The following PRELID2 variants were observed in gnomAD, a reference collection of about 807,000 sequenced individuals.
PRELID2 encodes the protein PRELI domain-containing protein 2.
Under a neutral mutation model 28.4 loss-of-function variants are expected in PRELID2, and 25 were observed. That is an observed-to-expected ratio of 0.88 (90% CI 0.64 to 1.23). The LOEUF is 1.23. Ranked by LOEUF, PRELID2 falls within the 50% of genes most tolerant of loss-of-function variation. The probability of loss-of-function intolerance (pLI) is 0.00; values close to 1 mark genes in which losing one functional copy is unlikely to be tolerated. For synonymous variants in PRELID2, 76 were observed against 71.6 expected (o/e 1.06, Z -0.31); for missense variants, 201 against 214.4 (o/e 0.94, Z 0.39).
chr5:145,338,450 A>T, the PRELID2 span: 1 of 152,202 alleles, frequency 6.6e-6, no homozygotes, highest in Non-Finnish European at 1.5e-5. Flanking sequence ...AGATGCATGC[A>T]AGTTCATCAG....
chr5:145,463,482 A>T, the PRELID2 span, among the ~76,000 whole-genome samples: 1 of 151,868 alleles, frequency 6.6e-6, no homozygotes, highest in Non-Finnish European at 1.5e-5. Flanking sequence ...TCTTTTGCAT[A>T]GTTTTCAGTT....
At position 145,641,172 on chromosome 5, in the gene PRELID2, C is replaced by G. The variant is rs113067768; in HGVS notation, n.70+123759G>C. ...GTAAATTTGACTATTTAAAACCTAA[C>G]AGTTCCTCTCAACAAAAAGACACCA... On this transcript the variant is annotated intron_variant and non_coding_transcript_variant, in intron 1 of 2. Coordinates refer to the PRELID2 transcript ENST00000510259. Among the ~76,000 whole-genome samples, 364 of 152,194 alleles carry G rather than the reference C, an allele frequency of 2.4e-3. 1 individual carries two copies. Among genetic ancestry groups the G allele is most frequent in the Non-Finnish European group, 3.7e-3 (255 of 68,022 alleles).
intron 1 of PRELID2, among the ~76,000 whole-genome samples, chr5:145,726,750 T>C (rs1756178404): frequency 1.3e-5 from 2 of 152,214 alleles, no homozygotes; most frequent in African/African-American, 2.4e-5. Context: ...ACACCAGCTG[T>C]AGCTTTTCAC....
At chr5:145,680,364 G>A (rs1754908336) in intron 1 of PRELID2, among the ~76,000 whole-genome samples, 1 of 152,194 alleles carries the variant, frequency 6.6e-6, no homozygotes, top group Admixed American at 6.5e-5. Context: ...GTGCCCCCTA[G>A]GGGCTGGGGA....
chr5:145,482,156 T>C (rs771557118), intron 1 of PRELID2, among the ~76,000 whole-genome samples: 18 of 152,108 alleles, frequency 1.2e-4, no homozygotes, highest in Non-Finnish European at 2.4e-4. Context: ...CTTCAAGCCA[T>C]GAAAGGGGAA....
chr5:145,324,746 C>A, the PRELID2 span, among the ~76,000 whole-genome samples: 1 of 152,150 alleles, frequency 6.6e-6, no homozygotes, highest in Non-Finnish European at 1.5e-5. Flanking sequence ...AATCCCAAAT[C>A]AACCTTGTGT....
the PRELID2 span, among the ~76,000 whole-genome samples, chr5:145,341,729 G>T: frequency 1.3e-5 from 2 of 148,900 alleles, no homozygotes; most frequent in Non-Finnish European, 3.0e-5. Context: ...AAAAAAAAAA[G>T]GATGAGCAAA....
intron 1 of PRELID2, among the ~76,000 whole-genome samples, chr5:145,712,794 G>C (rs1002434806): frequency 5.9e-5 from 9 of 151,726 alleles, no homozygotes; most frequent in Non-Finnish European, 1.2e-4. Flanking sequence ...TAGTGGAAAA[G>C]GTAGACAACA....
chr5:145,775,113 G>A (rs558210079), intron 5 of PRELID2, among the ~76,000 whole-genome samples: 9 of 151,940 alleles, frequency 5.9e-5, no homozygotes, highest in Non-Finnish European at 1.3e-4. Flanking sequence ...GGTGATGTAC[G>A]CCTGTGGCCC....
intron 4 of PRELID2, among the ~76,000 whole-genome samples, chr5:145,817,198 A>AAATATATATAT (rs1365517052): frequency 2.9e-5 from 2 of 70,096 alleles, no homozygotes; most frequent in Non-Finnish European, 3.3e-5. Flanking sequence ...TTCAAAAAAA[A>AAATATATATAT]ATAAATAAAT....
chr5:145,464,889 CA>C, the PRELID2 span, among the ~76,000 whole-genome samples: 3 of 152,024 alleles, frequency 2.0e-5, no homozygotes, highest in Admixed American at 6.6e-5. Flanking sequence ...CATAGGCCAA[CA>C]GGGGGGACTG....
intron 1 of PRELID2, among the ~76,000 whole-genome samples, chr5:145,691,802 T>C (rs1168306937): frequency 6.6e-6 from 1 of 152,152 alleles, no homozygotes; most frequent in Non-Finnish European, 1.5e-5. Flanking sequence ...GCCTCAGTTG[T>C]TCCTTCATGG....
At chr5:145,807,006 T>C (rs1236957552) in intron 4 of PRELID2, among the ~76,000 whole-genome samples, 3 of 152,202 alleles carry the variant, frequency 2.0e-5, no homozygotes, top group African/African-American at 7.2e-5. Context: ...TTATCAAGTA[T>C]TATGTACTAA....
intron 1 of PRELID2, among the ~76,000 whole-genome samples, chr5:145,555,335 C>G (rs1033687226): frequency 6.6e-6 from 1 of 152,172 alleles, no homozygotes; most frequent in African/African-American, 2.4e-5. Context: ...ACAGGAGATT[C>G]TGATGTATCT....
intron 1 of PRELID2, among the ~76,000 whole-genome samples, chr5:145,593,204 T>C (rs1285823766): frequency 6.6e-6 from 1 of 152,188 alleles, no homozygotes; most frequent in Non-Finnish European, 1.5e-5. Context: ...GTCTTGTCTA[T>C]TGAAAAGGCA....
intron 1 of PRELID2, among the ~76,000 whole-genome samples, chr5:145,733,502 T>C (rs976283024): frequency 6.6e-6 from 1 of 152,198 alleles, no homozygotes; most frequent in African/African-American, 2.4e-5. Context: ...TGCATTATCT[T>C]CCTTCCATAA....
At chr5:145,779,646 TGAAAA>T (rs1446891551) in intron 5 of PRELID2, among the ~76,000 whole-genome samples, 19 of 152,300 alleles carry the variant, frequency 1.2e-4, no homozygotes, top group African/African-American at 4.1e-4. Context: ...TGGGTAATAA[TGAAAA>T]GAAAACAGTT....
chr5:145,514,832 A>G (rs1441991808), intron 1 of PRELID2, among the ~76,000 whole-genome samples: 1 of 152,276 alleles, frequency 6.6e-6, no homozygotes, highest in Non-Finnish European at 1.5e-5. Flanking sequence ...CAATCAAATT[A>G]GAACTCGTGA....
At chr5:145,335,643 T>C in the PRELID2 span, among the ~76,000 whole-genome samples, 1 of 152,190 alleles carries the variant, frequency 6.6e-6, no homozygotes, top group South Asian at 2.1e-4. Flanking sequence ...AAAAATACCT[T>C]GAGACAAACA....
Sources: allele counts gnomAD v4.1 joint callset (sites outside exome capture counted in the v4.1 genomes callset), GRCh38; gene constraint gnomAD v4.1.1; transcripts MANE v1.5; gene names NCBI Gene and HGNC (gene_info 2026-07-23, HGNC 2026-07-21).